The following FANCA variants were observed in gnomAD, a reference collection of about 807,000 sequenced individuals.
FANCA encodes Fanconi anemia group A protein.
Under a neutral mutation model 194.3 loss-of-function variants are expected in FANCA, and 236 were observed. The ratio of observed to expected loss-of-function variants is 1.21; its 90% CI spans 1.09 to 1.35. FANCA has a LOEUF of 1.35. FANCA is among the 40% of genes most tolerant of loss of function. The probability of loss-of-function intolerance (pLI) is 0.00; values close to 1 mark genes in which losing one functional copy is unlikely to be tolerated. For synonymous variants in FANCA, 1,014 were observed against 715.8 expected, an observed-to-expected ratio of 1.42 and a Z score of -6.65; for missense variants, 2,628 against 1,813.9, an observed-to-expected ratio of 1.45 and a Z score of -8.15.
In FANCA at chr16:89,791,907, G is replaced by A. The variant is rs199534742; in HGVS notation, c.1225+20C>T. The A allele has an allele frequency of 7.4e-5, 120 of 1,613,902 alleles. No individual in the cohort carries two copies. In the East Asian group the frequency reaches 2.1e-3, roughly 28 times the overall value. ...ACACACACTCTTGACCAGCACCACC[G>A]GGCTCGCGTAAAAGCTCACCTTCAA... On this transcript the variant is annotated intron_variant, in intron 13 of 42. Coordinates refer to ENST00000389301, the MANE Select transcript of FANCA (RefSeq NM_000135.4).
At chr16:89,793,295 C>G (rs1335434958) in intron 11 of FANCA, among the ~76,000 whole-genome samples, 2 of 152,152 alleles carry the variant, frequency 1.3e-5, no homozygotes, top group Non-Finnish European at 2.9e-5. Flanking sequence ...ACCAAGGAGC[C>G]CTCTGGTGGC....
Position 89,810,975 on chromosome 16 carries a change from G to A in FANCA, c.380C>T (p.Ala127Val), listed in dbSNP as rs2143679916. 6.2e-7 allele frequency: 1 copy of A among 1,614,120 alleles called. No individual in the cohort carries two copies. Among genetic ancestry groups the A allele is most frequent in the Non-Finnish European group, 8.5e-7 (1 of 1,180,042 alleles). The change falls in exon 4 of 43, where the codon GCT (alanine) becomes GTT (valine). Residue 127 changes from alanine to valine, a missense_variant. Ala to Val is a moderately conservative substitution (Grantham distance 64). Coordinates refer to ENST00000389301, the MANE Select transcript of FANCA (RefSeq NM_000135.4). ...VASSVGQICT[A>V]PAETSHPVLL... ...CACAGGGTGACTGGTCTCCGCTGGAGCCGTGCAGATCTGTCCCACGCTAGA... is the reference window on the plus strand; with the variant it reads ...CACAGGGTGACTGGTCTCCGCTGGAACCGTGCAGATCTGTCCCACGCTAGA...
intron 28 of FANCA, among the ~76,000 whole-genome samples, chr16:89,764,366 G>C (rs912502924): frequency 6.6e-6 from 1 of 152,096 alleles, no homozygotes; most frequent in South Asian, 2.1e-4. Context: ...ATAGAGTGGC[G>C]TGATCTTGGC....
rs1451173173 is a variant in FANCA, at chr16:89,810,946, G to A, written c.409C>T (p.Leu137=). The A allele has an allele frequency of 1.9e-6, 3 of 1,614,104 alleles. No homozygotes were observed. The South Asian group carries it at 3.3e-5, about 18-fold the overall frequency. Residue 137 remains leucine, a synonymous_variant, in exon 4 of 43, where the codon CTG becomes TTG. Transcript: ENST00000389301. ...APAETSHPVL[L]TVEQRKKLSS... ...TGTCTTACTCTCTGCTCCACAGTCA[G>A]CAGCACAGGGTGACTGGTCTCCGCT...
chr16:89,805,893 CCT>C (rs1332385676), intron 6 of FANCA, among the ~76,000 whole-genome samples: 1 of 151,920 alleles, frequency 6.6e-6, no homozygotes, highest in Non-Finnish European at 1.5e-5. Flanking sequence ...TAAATTTATT[CCT>C]CTTTGTTTTA....
intron 4 of FANCA, 59 bp downstream of exon 4, chr16:89,810,870 T>C: frequency 6.2e-7 from 1 of 1,613,934 alleles, no homozygotes; most frequent in Non-Finnish European, 8.5e-7. Flanking sequence ...ATGTCCTATT[T>C]TCCCAACCAG....
chr16:89,745,122 C>T (rs1484020142), intron 35 of FANCA, 51 bp from the exon 36 acceptor site: 2 of 1,497,864 alleles, frequency 1.3e-6, no homozygotes, highest in Non-Finnish European at 9.0e-7. Context: ...ATGGACACAC[C>T]TCCGCTGCCC....
chr16:89,747,110 G>C (rs1272853546), intron 33 of FANCA, among the ~76,000 whole-genome samples: 1 of 152,198 alleles, frequency 6.6e-6, no homozygotes, highest in Non-Finnish European at 1.5e-5. Context: ...CAGCCCACCA[G>C]CTCTGGCCCA....
intron 29 of FANCA, 147 bp downstream of exon 29, chr16:89,761,802 T>C: frequency 2.8e-6 from 2 of 703,652 alleles, no homozygotes. Context: ...TCTTTTCTAT[T>C]TTTTGTAGAA....
At position 89,813,561 on chromosome 16, in the gene FANCA, T is replaced by C. The variant is rs553605508; in HGVS notation, c.283+959A>G. Reference sequence around the variant, plus strand: ...AATTCTCCTGCCTCAGCCTCCTGAATAGCTGGGACTACAGGCACCCACCAC... The same window carrying C: ...AATTCTCCTGCCTCAGCCTCCTGAACAGCTGGGACTACAGGCACCCACCAC... On this transcript the variant is annotated intron_variant, in intron 3 of 42. Coordinates refer to ENST00000389301, the MANE Select transcript of FANCA (RefSeq NM_000135.4). Among the ~76,000 whole-genome samples, 9 of 152,192 alleles carry C rather than the reference T, an allele frequency of 5.9e-5. No homozygotes were observed. In the South Asian group the frequency reaches 1.7e-3, roughly 28 times the overall value.
intron 7 of FANCA, 58 bp from the exon 8 acceptor site, chr16:89,803,399 A>G: frequency 1.4e-6 from 2 of 1,470,058 alleles, no homozygotes; most frequent in Non-Finnish European, 1.9e-6. Context: ...AGCAACTGTG[A>G]ATGGCACAGA....
intron 20 of FANCA, chr16:89,778,553 A>C: frequency 2.1e-6 from 1 of 486,762 alleles, no homozygotes; most frequent in Middle Eastern, 5.7e-4. Flanking sequence ...GCTTGAACCT[A>C]AGATGTGGAG....
intron 5 of FANCA, 34 bp downstream of exon 5, chr16:89,810,673 C>A (rs2040842161): frequency 7.4e-7 from 1 of 1,349,688 alleles, no homozygotes; most frequent in African/African-American, 1.4e-5. Context: ...TTGCCTGGAA[C>A]ACTGGAGAGT....
intron 27 of FANCA, among the ~76,000 whole-genome samples, 169 bp downstream of exon 27, chr16:89,766,972 G>A (rs1309941961): frequency 6.6e-6 from 1 of 151,790 alleles, no homozygotes; most frequent in Non-Finnish European, 1.5e-5. Flanking sequence ...AGCAGAGGTG[G>A]CCATGACAGC....
At chr16:89,808,478 G>T in intron 5 of FANCA, 111 bp from the exon 6 acceptor site, 1 of 1,129,200 alleles carries the variant, frequency 8.9e-7, no homozygotes, top group Non-Finnish European at 1.3e-6. Context: ...TCTTAACCAT[G>T]CCGTATTGAA....
chr16:89,742,900 G>A lies in FANCA; in HGVS notation c.3665C>T (p.Pro1222Leu), dbSNP rs374537936. ...CAGTGCAGCAGCTGAGAGCCAGTCC[G>A]GGTTGGGTGCTGGGGAGGCAGCCTC... ...SPEAASPAPN[P>L]DWLSAAALHF... is the part of the protein sequence containing the mutation. Residue 1222 changes from proline to leucine, a missense_variant, in exon 37 of 43, where the codon CCG becomes CTG. Coordinates refer to ENST00000389301, the MANE Select transcript of FANCA (RefSeq NM_000135.4). 1.1e-5 allele frequency: 17 copies of A among 1,613,988 alleles called. No individual in the cohort carries two copies. The highest frequency in any genetic ancestry group is 4.0e-5 in the African/African-American group (3 of 74,912).
At chr16:89,751,178 C>T (rs576655311) in intron 31 of FANCA, among the ~76,000 whole-genome samples, 4 of 152,218 alleles carry the variant, frequency 2.6e-5, no homozygotes, top group African/African-American at 9.6e-5. Context: ...CAGGCATAAG[C>T]CACCGTGCCT....
rs769217095 is a variant in FANCA at position 89,744,963 on chromosome 16, T to C, written c.3622A>G (p.Ser1208Gly). The C allele has an allele frequency of 1.9e-6, 3 of 1,611,762 alleles. No individual in the cohort carries two copies. The highest frequency in any genetic ancestry group is 1.1e-5 in the South Asian group (1 of 91,006). The change falls in exon 36 of 43, where the codon AGC becomes GGC. Residue 1208 changes from serine to glycine, a missense_variant. Ser to Gly is a moderately conservative substitution (Grantham distance 56, BLOSUM62 0). Coordinates refer to ENST00000389301, the MANE Select transcript of FANCA (RefSeq NM_000135.4). Reference sequence around the variant, plus strand: ...CATCTCACCACCCACACGTACTCGCTGGCAAACTGCCGGCCTTCTTGTAGC... The same window carrying C: ...CATCTCACCACCCACACGTACTCGCCGGCAAACTGCCGGCCTTCTTGTAGC... The part of the protein sequence containing the change: ...QKLQEGRQFA[S>G]DFLSPEAASP...
At chr16:89,786,855 A>C (rs2039914978) in intron 14 of FANCA, among the ~76,000 whole-genome samples, 1 of 152,158 alleles carries the variant, frequency 6.6e-6, no homozygotes, top group African/African-American at 2.4e-5. Context: ...TCAAAACATC[A>C]GCACCCAGTT....
Sources: allele counts gnomAD v4.1 joint callset (sites outside exome capture counted in the v4.1 genomes callset), GRCh38; gene constraint gnomAD v4.1.1; transcripts MANE v1.5; gene names NCBI Gene and HGNC (gene_info 2026-07-23, HGNC 2026-07-21).